Variants in IQCH observed in about 807,000 individuals in gnomAD.
IQCH encodes IQ motif containing H.
In IQCH, 98 loss-of-function variants were observed where a neutral mutation model predicts 117.0. The observed-to-expected ratio is 0.84, with a 90% CI of 0.71 to 0.99. The LOEUF (loss-of-function observed/expected upper bound fraction) is 0.99. Among genes scored for constraint, IQCH ranks in the 50% least tolerant of loss-of-function variants. The pLI, the probability that IQCH is intolerant of heterozygous loss-of-function variation, is 0.00. For missense variants in IQCH, 1,102 were observed against 1,243.8 expected, an observed-to-expected ratio of 0.89 and a Z score of 1.72; for synonymous variants, 412 against 448.2, an observed-to-expected ratio of 0.92 and a Z score of 1.02.
chr15:67,279,112 G>A (rs1323191000), intron 3 of IQCH, among the ~76,000 whole-genome samples: 1 of 152,076 alleles, frequency 6.6e-6, no homozygotes, highest in Non-Finnish European at 1.5e-5. Flanking sequence ...GTTTTATAGT[G>A]CAATAATTCT....
chr15:67,281,036 G>A (rs913310369), intron 4 of IQCH, among the ~76,000 whole-genome samples: 9 of 152,032 alleles, frequency 5.9e-5, no homozygotes, highest in African/African-American at 2.2e-4. Context: ...AGTAGAGATG[G>A]GGTTTCACCA....
intron 4 of IQCH, among the ~76,000 whole-genome samples, chr15:67,280,899 T>C (rs772291632): frequency 1.3e-5 from 2 of 152,072 alleles, no homozygotes; most frequent in Non-Finnish European, 2.9e-5. Context: ...CAGGCTGGAG[T>C]GCAGTGGCAC....
rs58647933 is a variant in IQCH, at chr15:67,370,675, C to A, written c.754-1436C>A. On this transcript the variant is annotated intron_variant, in intron 8 of 20. Coordinates refer to ENST00000335894, the MANE Select transcript of IQCH (RefSeq NM_001031715.3). This position sits in a 1 kb window ranked among gnomAD's most constrained non-coding sequence, Gnocchi z 5.6. ...TTCTCTTCTGGCACCCTGATTAGAT[C>A]AGAAAGGGATAGAAGCTTGGAAGGA... is the stretch of plus-strand genomic sequence containing the variant. 6.6e-6 allele frequency among the ~76,000 whole-genome samples: 1 copy of A among 152,272 alleles called. No homozygotes were observed. Among genetic ancestry groups the A allele is most frequent in the East Asian group, 1.9e-4 (1 of 5,180 alleles).
intron 14 of IQCH, among the ~76,000 whole-genome samples, chr15:67,412,546 C>T (rs1361784123): frequency 6.6e-6 from 1 of 152,026 alleles, no homozygotes; most frequent in Admixed American, 6.6e-5. Context: ...TTACAGGTGC[C>T]CACCACCACG....
intron 16 of IQCH, among the ~76,000 whole-genome samples, chr15:67,429,541 A>G (rs1040937339): frequency 6.6e-5 from 10 of 152,362 alleles, no homozygotes; most frequent in Admixed American, 6.5e-4. Context: ...GCAAACATGT[A>G]TTATATTTCT....
At chr15:67,358,776 A>G (rs1970018617) in intron 7 of IQCH, among the ~76,000 whole-genome samples, 1 of 152,236 alleles carries the variant, frequency 6.6e-6, no homozygotes, top group Non-Finnish European at 1.5e-5. Flanking sequence ...AATTAATCCT[A>G]CTGCCTCTCC....
At chr15:67,262,088 C>CA (rs34871379) in intron 2 of IQCH, among the ~76,000 whole-genome samples, 67,354 of 147,008 alleles carry the variant, frequency 0.46, 15,482 homozygotes, top group Non-Finnish European at 0.52. Flanking sequence ...GACTCTGTCT[C>CA]AAAAAAAAAA....
rs113992698 is a variant in IQCH at position 67,474,342 on chromosome 15, G to A, written c.2677-1354G>A. Among the ~76,000 whole-genome samples the A allele has an allele frequency of 3.7e-3, 567 of 152,172 alleles. 9 individuals carry two copies. The highest frequency in any genetic ancestry group is 0.012 in the African/African-American group (512 of 41,524). ...GTACCTAGTTGCCCAGCACCTGTGC[G>A]TCACCACAGTTCAAGAGCCAAGCCA... is the stretch of plus-strand genomic sequence containing the variant. On this transcript the variant is annotated intron_variant, in intron 17 of 20. Coordinates refer to ENST00000335894, the MANE Select transcript of IQCH (RefSeq NM_001031715.3). The surrounding 1 kb of genome is among the most constrained non-coding windows in gnomAD (Gnocchi z 4.1).
intron 4 of IQCH, among the ~76,000 whole-genome samples, chr15:67,323,284 C>T (rs67360912): frequency 0.69 from 95,523 of 138,902 alleles, 32,837 homozygotes; most frequent in Middle Eastern, 0.85. Context: ...GCTCTGTCGT[C>T]CAGGCTGGAG....
In IQCH at chr15:67,416,957, G is replaced by A; in HGVS notation, c.2124G>A (p.Glu708=). ...AGCCAGCTTTGGTGAAGATCTCTGA[G>A]GAGCTGGCGGGCATTTTAGCACAGC... The part of the protein sequence containing the change: ...AQEPALVKIS[E]ELAGILAQHA... The change falls in exon 15 of 21, where the codon GAG becomes GAA. Residue 708 remains glutamate, a synonymous_variant. Coordinates refer to ENST00000335894, the MANE Select transcript of IQCH (RefSeq NM_001031715.3). This position sits in a 1 kb window ranked among gnomAD's most constrained non-coding sequence, Gnocchi z 5.1. 6.2e-7 allele frequency: 1 copy of A among 1,606,876 alleles called. No individual in the cohort carries two copies. Among genetic ancestry groups the A allele is most frequent in the African/African-American group, 1.3e-5 (1 of 74,656 alleles).
At chr15:67,471,612 A>G (rs2083073198) in intron 17 of IQCH, among the ~76,000 whole-genome samples, 1 of 152,246 alleles carries the variant, frequency 6.6e-6, no homozygotes, top group Non-Finnish European at 1.5e-5. Context: ...TTTATTGGTT[A>G]GTTGGTCAGT....
chr15:67,484,841 T>C (rs955657584), intron 18 of IQCH, among the ~76,000 whole-genome samples: 1 of 152,060 alleles, frequency 6.6e-6, no homozygotes, highest in Non-Finnish European at 1.5e-5. Context: ...TTTAACCCTC[T>C]TTGAAGGAAG....
chr15:67,499,664 G>A (rs1200896086), intron 20 of IQCH, among the ~76,000 whole-genome samples: 1 of 151,906 alleles, frequency 6.6e-6, no homozygotes, highest in Non-Finnish European at 1.5e-5. Context: ...GTTAATAGAA[G>A]GAATATTCAT....
At chr15:67,438,881 A>G (rs1177766151) in intron 16 of IQCH, among the ~76,000 whole-genome samples, 1 of 152,248 alleles carries the variant, frequency 6.6e-6, no homozygotes, top group Non-Finnish European at 1.5e-5. Context: ...ATATGCATGT[A>G]ACACTGGAGC....
chr15:67,330,607 C>G (rs190108692), intron 4 of IQCH, among the ~76,000 whole-genome samples: 2 of 152,152 alleles, frequency 1.3e-5, no homozygotes, highest in Admixed American at 1.3e-4. Flanking sequence ...GAGCCGGTGA[C>G]CTAAGCTGTG....
At chr15:67,301,023 A>C (rs1224316126) in intron 4 of IQCH, among the ~76,000 whole-genome samples, 1 of 152,142 alleles carries the variant, frequency 6.6e-6, no homozygotes. Flanking sequence ...GTCACATTTG[A>C]TATATCTGCT....
chr15:67,302,256 A>T (rs2140532604), intron 4 of IQCH, among the ~76,000 whole-genome samples: 1 of 152,326 alleles, frequency 6.6e-6, no homozygotes, highest in African/African-American at 2.4e-5. Flanking sequence ...TCCAGTCAAT[A>T]CAATACATAT....
Position 67,356,102 on chromosome 15 carries a change from G to A in IQCH, c.638-1243G>A, listed in dbSNP as rs986182095. On this transcript the variant is annotated intron_variant, in intron 6 of 20. Transcript: ENST00000335894. This position sits in a 1 kb window ranked among gnomAD's most constrained non-coding sequence, Gnocchi z 5.3. ...ACAATAGGAATAACAAATTTTACTG[G>A]TGAATCTGTGGATTCAAAGCAGGCT... Among the ~76,000 whole-genome samples the A allele has an allele frequency of 2.0e-5, 3 of 152,244 alleles. No individual in the cohort carries two copies. The highest frequency in any genetic ancestry group is 4.4e-5 in the Non-Finnish European group (3 of 68,002).
rs1250208626 is a variant in IQCH, at chr15:67,425,164, G to C, written c.2505+3587G>C. Among the ~76,000 whole-genome samples the C allele has an allele frequency of 6.6e-6, 1 of 151,998 alleles. No individual in the cohort carries two copies. Among genetic ancestry groups the C allele is most frequent in the Non-Finnish European group, 1.5e-5 (1 of 68,000 alleles). The stretch of plus-strand genomic sequence containing the variant: ...CATATCTTTTGCCCCAGTTAAATTG[G>C]ACTATAACACAAATGTTGATTTGCT... On this transcript the variant is annotated intron_variant, in intron 16 of 20. Coordinates refer to ENST00000335894, the MANE Select transcript of IQCH (RefSeq NM_001031715.3). The surrounding 1 kb of genome is among the most constrained non-coding windows in gnomAD (Gnocchi z 5.5).
Sources: gnomAD v4.1 joint callset for allele counts (sites outside exome capture counted in the v4.1 genomes callset) on GRCh38, gnomAD v4.1.1 for gene constraint, Gnocchi (gnomAD v3.1) non-coding constraint, MANE v1.5 for transcripts, NCBI Gene and HGNC (gene_info 2026-07-23, HGNC 2026-07-21) for gene names.